IDO2: variants seen among roughly 807,000 people sequenced by gnomAD.
IDO2 encodes indoleamine 2,3-dioxygenase-like 1 protein.
IDO2 carries 46 observed loss-of-function variants against 45.1 expected under a neutral mutation model. The observed-to-expected ratio is 1.02, with a 90% CI of 0.80 to 1.30. The LOEUF is 1.30. Ranked by LOEUF, IDO2 falls within the 50% of genes most tolerant of loss-of-function variation. IDO2 has a pLI of 0.00. For missense variants in IDO2, 544 were observed against 491.8 expected (o/e 1.11, Z -1.00); for synonymous variants, 218 against 184.9 (o/e 1.18, Z -1.45).
At chr8:39,962,441 G>T (rs1808012813) in intron 2 of IDO2, among the ~76,000 whole-genome samples, 1 of 152,074 alleles carries the variant, frequency 6.6e-6, no homozygotes, top group African/African-American at 2.4e-5. Flanking sequence ...CCAACTTACA[G>T]AAAGGGAAAA....
intron 8 of IDO2, among the ~76,000 whole-genome samples, chr8:39,997,122 T>C (rs1802056591): frequency 6.6e-6 from 1 of 152,108 alleles, no homozygotes; most frequent in Admixed American, 6.5e-5. Context: ...CCAAGACAAA[T>C]ACAAATTCAT....
At chr8:39,985,473 C>T (rs1321866689) in intron 5 of IDO2, 35 bp from the exon 6 acceptor site, 7 of 1,538,288 alleles carry the variant, frequency 4.6e-6, no homozygotes, top group African/African-American at 1.4e-5. Flanking sequence ...TTTTTTTTCT[C>T]TCTTGGTGGT....
intron 8 of IDO2, among the ~76,000 whole-genome samples, chr8:40,004,567 A>AT (rs55986019): frequency 0.058 from 6,162 of 106,864 alleles, 162 homozygotes; most frequent in Middle Eastern, 0.11. Flanking sequence ...AGATAGATAG[A>AT]CGATAGATAG....
chr8:39,985,480 T>C (rs1348704343), intron 5 of IDO2, 28 bp from the exon 6 acceptor site: 1 of 1,548,992 alleles, frequency 6.5e-7, no homozygotes, highest in Non-Finnish European at 8.8e-7. Flanking sequence ...TCTCTCTTGG[T>C]GGTCATCAAT....
intron 2 of IDO2, among the ~76,000 whole-genome samples, chr8:39,956,939 A>G (rs781662712): frequency 1.0e-4 from 15 of 146,650 alleles, no homozygotes; most frequent in Non-Finnish European, 2.2e-4. Flanking sequence ...GCTATTTGGG[A>G]TGCTGAGTCA....
chr8:39,979,353 TATTA>T (rs771192111), intron 4 of IDO2, among the ~76,000 whole-genome samples, 167 bp downstream of exon 4: 2 of 151,998 alleles, frequency 1.3e-5, no homozygotes, highest in African/African-American at 2.4e-5. Context: ...TATTTATTAT[TATTA>T]TTTTTTTATT....
intron 8 of IDO2, among the ~76,000 whole-genome samples, chr8:39,994,156 T>C (rs1487028720): frequency 3.3e-5 from 5 of 152,208 alleles, no homozygotes; most frequent in African/African-American, 1.2e-4. Context: ...AATATTTACG[T>C]TGATTATTTC....
At chr8:40,016,206 G>A (rs761574413) in exon 11 of IDO2, 9 of 397,828 alleles carry the variant, frequency 2.3e-5, no homozygotes, top group Non-Finnish European at 3.5e-5. Context: ...GACTTTCCAC[G>A]TGGTACCTAG....
rs182461432 is a variant in IDO2 at position 39,947,043 on chromosome 8, T to C, written c.-17-2106T>C. Among the ~76,000 whole-genome samples, 10 of 150,896 alleles carry C rather than the reference T, an allele frequency of 6.6e-5. No individual in the cohort carries two copies. In the East Asian group the frequency reaches 2.0e-3, roughly 30 times the overall value. ...TGGTGGTGGGTGCCTACAATCCCAA[T>C]TACTTGGGAGACTGAGGCAGGATAA... On this transcript the variant is annotated intron_variant, in intron 1 of 10. Transcript: ENST00000502986.
intron 9 of IDO2, among the ~76,000 whole-genome samples, chr8:40,008,395 CCTT>C (rs1446948751): frequency 2.0e-5 from 3 of 152,154 alleles, no homozygotes; most frequent in African/African-American, 7.2e-5. Context: ...TCTCACCTCT[CCTT>C]CTGCCTCTAG....
Position 39,956,645 on chromosome 8 carries a change from T to G in IDO2, c.100-6963T>G, listed in dbSNP as rs1053528916. Among the ~76,000 whole-genome samples the G allele has an allele frequency of 2.6e-5, 4 of 152,196 alleles. No homozygotes were observed. In the South Asian group the frequency reaches 6.2e-4, roughly 24 times the overall value. On this transcript the variant is annotated intron_variant, in intron 2 of 10. Coordinates refer to ENST00000502986, the Ensembl canonical transcript of IDO2. ...TAAGAATTGATTTTTTCTTATTCCC[T>G]GTTGAAGTTTGTTTATAAAATATAG...
At chr8:39,974,027 A>G (rs1361348625) in intron 3 of IDO2, among the ~76,000 whole-genome samples, 1 of 152,184 alleles carries the variant, frequency 6.6e-6, no homozygotes, top group Admixed American at 6.5e-5. Context: ...GGTGTGAGCC[A>G]CTGTGCCCAG....
exon 2 of IDO2, chr8:39,949,221 A>G (rs757635692): frequency 9.3e-6 from 15 of 1,606,052 alleles, no homozygotes; most frequent in African/African-American, 1.3e-5. Context: ...TTGGAAAGCT[A>G]TCACATATCT....
At chr8:39,971,928 C>G (rs1037428321) in intron 3 of IDO2, among the ~76,000 whole-genome samples, 4 of 152,076 alleles carry the variant, frequency 2.6e-5, no homozygotes, top group African/African-American at 7.2e-5. Flanking sequence ...CCTGCCTCAG[C>G]CTCCCGAGTT....
At chr8:39,974,880 G>A (rs1259256012) in intron 3 of IDO2, among the ~76,000 whole-genome samples, 1 of 151,672 alleles carries the variant, frequency 6.6e-6, no homozygotes, top group Non-Finnish European at 1.5e-5. Flanking sequence ...GAGATTGCAC[G>A]ACGGCACTCC....
chr8:40,009,213 C>T (rs1264189038), intron 9 of IDO2, among the ~76,000 whole-genome samples: 1 of 152,094 alleles, frequency 6.6e-6, no homozygotes, highest in Admixed American at 6.6e-5. Flanking sequence ...CAGGGTTTTG[C>T]CCTGTGGGCC....
intron 3 of IDO2, among the ~76,000 whole-genome samples, chr8:39,964,748 A>T (rs1420543243): frequency 1.3e-5 from 2 of 152,258 alleles, no homozygotes; most frequent in Non-Finnish European, 1.5e-5. Context: ...TGACCAAAGA[A>T]ATCCAAAAAT....
intron 3 of IDO2, among the ~76,000 whole-genome samples, chr8:39,966,657 A>G (rs1277793714): frequency 2.0e-5 from 3 of 152,224 alleles, no homozygotes; most frequent in African/African-American, 4.8e-5. Context: ...TGTATCTTGA[A>G]ACAAAATATA....
intron 1 of IDO2, among the ~76,000 whole-genome samples, chr8:39,944,017 T>C (rs534515726): frequency 1.3e-5 from 2 of 152,244 alleles, no homozygotes; most frequent in African/African-American, 2.4e-5. Flanking sequence ...TAAGGAACCA[T>C]AAATCAAACA....
Sources: gnomAD v4.1 joint callset for allele counts (sites outside exome capture counted in the v4.1 genomes callset) on GRCh38, gnomAD v4.1.1 for gene constraint, MANE v1.5 for transcripts, NCBI Gene and HGNC (gene_info 2026-07-23, HGNC 2026-07-21) for gene names.